Variants in RSRC2 observed in about 807,000 individuals in gnomAD.
RSRC2 encodes arginine/serine-rich coiled-coil protein 2.
In RSRC2, 5 loss-of-function variants were observed where a neutral mutation model predicts 61.3. The observed-to-expected ratio is 0.08, with a 90% CI of 0.04 to 0.17. The LOEUF (loss-of-function observed/expected upper bound fraction) is 0.17, where lower values mean the gene tolerates loss of function less well. RSRC2 is among the 10% of genes least tolerant of loss of function. The pLI, the probability that RSRC2 is intolerant of heterozygous loss-of-function variation, is 1.00. For synonymous variants in RSRC2, 202 were observed against 166.5 expected (o/e 1.21, Z -1.64); for missense variants, 381 against 518.8 (o/e 0.73, Z 2.58).
At chr12:122,513,240 T>TAAATAAATA (rs1555213570) in intron 6 of RSRC2, among the ~76,000 whole-genome samples, 26 of 68,210 alleles carry the variant, frequency 3.8e-4, no homozygotes, top group African/African-American at 8.6e-4. Context: ...AATAAATAAA[T>TAAATAAATA]AAATAAAATA....
At chr12:122,511,303 T>C (rs1483022408) in intron 6 of RSRC2, 115 bp from the exon 7 acceptor site, 1 of 659,598 alleles carries the variant, frequency 1.5e-6, no homozygotes, top group Non-Finnish European at 2.5e-6. Flanking sequence ...TTTAAATTTT[T>C]AGCATCCCTC....
intron 1 of RSRC2, among the ~76,000 whole-genome samples, chr12:122,523,993 G>A (rs187651066): frequency 1.4e-4 from 21 of 152,286 alleles, no homozygotes; most frequent in Admixed American, 3.3e-4. Flanking sequence ...AACTACCAGG[G>A]AGGCTCTCAT....
At position 122,518,263 on chromosome 12, in the gene RSRC2, G is replaced by C. The variant is rs1396833326; in HGVS notation, c.398+576C>G. ...TGCAGTGTGCTGAGAGCACACCACT[G>C]CACTCTAGTTAGGGCAACAGAGAGA... is the stretch of plus-strand genomic sequence containing the variant. On this transcript the variant is annotated intron_variant, in intron 4 of 9. Transcript: ENST00000331738. 7.9e-5 allele frequency among the ~76,000 whole-genome samples: 12 copies of C among 151,416 alleles called. No individual in the cohort carries two copies. The East Asian group carries it at 2.3e-3, about 29-fold the overall frequency.
intron 1 of RSRC2, among the ~76,000 whole-genome samples, chr12:122,524,668 TAAAC>T (rs1959793616): frequency 6.6e-6 from 1 of 152,084 alleles, no homozygotes; most frequent in Non-Finnish European, 1.5e-5. Context: ...ATCTTAACAC[TAAAC>T]AAATAGGAAT....
In RSRC2 at chr12:122,508,220, C is replaced by G. The variant is rs1958257377; in HGVS notation, c.1033G>C (p.Gly345Arg). The change falls in exon 8 of 10, where the codon GGG (glycine) becomes CGG (arginine). Residue 345 changes from glycine (G) to arginine (R), a missense_variant and splice_region_variant. Gly to Arg is a moderately radical substitution (Grantham distance 125). Transcript: ENST00000331738. ...AAAAGCAGAATAAGAGAACTTACCC[C>G]TTCTTTCTTGCCCTGCCAAAGCATT... ...RKMLWQGKKE[G>R]DKSQSAEIWE... is the part of the protein sequence containing the mutation. 1 of 1,612,578 alleles carries G rather than the reference C, an allele frequency of 6.2e-7. No homozygotes were observed.
Position 122,505,659 on chromosome 12 carries a change from C to T in RSRC2, c.1173G>A (p.Lys391=). The T allele has an allele frequency of 1.2e-6, 2 of 1,614,078 alleles. No individual in the cohort carries two copies. Among genetic ancestry groups the T allele is most frequent in the South Asian group, 1.1e-5 (1 of 91,078 alleles). ...GCSSVDEESY[K]TLKQQEEVFR... ...ATACTTCTTCCTGCTGCTTCAGAGT[C>T]TTGTAACTTTCTTCATCAACTGAGC... is the stretch of plus-strand genomic sequence containing the variant. The change falls in exon 10 of 10, where the codon AAG becomes AAA. Residue 391 remains lysine, a synonymous_variant. Coordinates refer to ENST00000331738, the MANE Select transcript of RSRC2 (RefSeq NM_023012.6).
intron 9 of RSRC2, chr12:122,506,593 G>A: frequency 2.5e-6 from 1 of 407,292 alleles, no homozygotes; most frequent in Non-Finnish European, 4.4e-6. Flanking sequence ...CCAAGTGACA[G>A]AGCAAGCAGA....
intron 6 of RSRC2, chr12:122,514,659 T>A: frequency 8.9e-7 from 1 of 1,125,776 alleles, no homozygotes; most frequent in Non-Finnish European, 1.1e-6. Context: ...TTATAATGTA[T>A]TATCTGTTAA....
chr12:122,519,744 T>C (rs1303927611), intron 3 of RSRC2: 2 of 152,478 alleles, frequency 1.3e-5, no homozygotes, highest in Non-Finnish European at 2.9e-5. Context: ...CATCACACAA[T>C]ACATACTGCC....
chr12:122,512,065 CG>C (rs1958560895), intron 6 of RSRC2, among the ~76,000 whole-genome samples: 1 of 152,138 alleles, frequency 6.6e-6, no homozygotes, highest in African/African-American at 2.4e-5. Flanking sequence ...CTTGGCCTCC[CG>C]AAGTGCTGGC....
At position 122,503,588 on chromosome 12, in the gene RSRC2, G is replaced by C. The variant is rs1957989554; in HGVS notation, c.*1939C>G. The C allele has an allele frequency of 6.6e-6, 1 of 152,216 alleles. No individual in the cohort carries two copies. The highest frequency in any genetic ancestry group is 2.4e-5 in the African/African-American group (1 of 41,458). 9.4% of individuals were successfully genotyped at this position (152,216 alleles called of 1,614,324 possible). A position where few individuals can be genotyped will look rare whatever the true frequency, so the allele number is the denominator to read the frequency against. ...AAGCTTTTGCGTCCACACTGCCTTA[G>C]AAGGTCATGAACATTTTTAATAAGA... On this transcript the variant is annotated 3_prime_UTR_variant, in exon 10 of 10. Coordinates refer to ENST00000331738, the MANE Select transcript of RSRC2 (RefSeq NM_023012.6).
intron 3 of RSRC2, chr12:122,520,064 G>A (rs1299909568): frequency 6.4e-6 from 1 of 156,636 alleles, no homozygotes; most frequent in Non-Finnish European, 1.4e-5. Context: ...TTTTTCTGAT[G>A]CCCACGCTAC....
rs1285574018 is a variant in RSRC2, at chr12:122,525,884, G to C, written c.6+964C>G. ...TCACCCAGGCTGGAGTGCAGTGGCG[G>C]GATCTCGGTTCACTGCAAGCTCCGC... On this transcript the variant is annotated intron_variant, in intron 1 of 9. Coordinates refer to ENST00000331738, the MANE Select transcript of RSRC2 (RefSeq NM_023012.6). Among the ~76,000 whole-genome samples, 6 of 10,626 alleles carry C rather than the reference G, an allele frequency of 5.6e-4. 2 individuals carry two copies. The highest frequency in any genetic ancestry group is 9.4e-4 in the Non-Finnish European group (6 of 6,376). 7.0% of individuals were successfully genotyped at this position (10,626 alleles called of 152,430 possible).
At position 122,508,290 on chromosome 12, in the gene RSRC2, G is replaced by A. The variant is rs117449129; in HGVS notation, c.963C>T (p.Ala321=). ...GIAVPSYYNP[A]AVNPMKFAEQ... ...CAGCAAATTTCATTGGATTAACAGC[G>A]GCTGGGTTATAGTAGCTAGGAACAG... is the stretch of plus-strand genomic sequence containing the variant. Residue 321 remains alanine, a synonymous_variant, in exon 8 of 10, where the codon GCC becomes GCT. Coordinates refer to ENST00000331738, the MANE Select transcript of RSRC2 (RefSeq NM_023012.6). 232 of 1,614,026 alleles carry A rather than the reference G, an allele frequency of 1.4e-4. No homozygotes were observed. The highest frequency in any genetic ancestry group is 6.1e-4 in the South Asian group (56 of 91,078).
At chr12:122,524,276 G>A (rs1200111627) in intron 1 of RSRC2, among the ~76,000 whole-genome samples, 3 of 151,884 alleles carry the variant, frequency 2.0e-5, no homozygotes, top group Non-Finnish European at 4.4e-5. Flanking sequence ...TTATCCTTGA[G>A]GACTATTTCA....
intron 7 of RSRC2, among the ~76,000 whole-genome samples, chr12:122,510,695 A>T (rs114654269): frequency 0.011 from 1,694 of 152,338 alleles, 33 homozygotes; most frequent in African/African-American, 0.039. Context: ...GGAAGTAGGA[A>T]TCATAGGTGA....
intron 9 of RSRC2, 23 bp from the exon 10 acceptor site, chr12:122,505,729 T>C (rs1284266823): frequency 2.5e-6 from 4 of 1,587,102 alleles, no homozygotes; most frequent in Admixed American, 3.4e-5. Context: ...CATAAAACAT[T>C]ACAATGAATT....
At chr12:122,507,876 ATGTAGGC>A in intron 8 of RSRC2, 1 of 363,310 alleles carries the variant, frequency 2.8e-6, no homozygotes, top group South Asian at 2.2e-5. Flanking sequence ...GGCTCACTGT[ATGTAGGC>A]TCTGCATCCC....
intron 7 of RSRC2, among the ~76,000 whole-genome samples, 198 bp from the exon 8 acceptor site, chr12:122,508,645 A>G (rs1958275665): frequency 6.6e-6 from 1 of 152,208 alleles, no homozygotes; most frequent in South Asian, 2.1e-4. Context: ...ACATATTTCT[A>G]CATAAACCCT....
Sources: gnomAD v4.1 joint callset for allele counts (sites outside exome capture counted in the v4.1 genomes callset) on GRCh38, gnomAD v4.1.1 for gene constraint, MANE v1.5 for transcripts, NCBI Gene and HGNC (gene_info 2026-07-23, HGNC 2026-07-21) for gene names.